Variants in RIMS1 observed in about 807,000 individuals in gnomAD.
RIMS1 encodes regulating synaptic membrane exocytosis protein 1.
A neutral mutation model predicts 214.1 loss-of-function variants in RIMS1; 83 were observed. The ratio of observed to expected loss-of-function variants is 0.39; its 90% confidence interval spans 0.32 to 0.47. The LOEUF is 0.47. Ranked by LOEUF, RIMS1 falls within the 20% of genes least tolerant of loss-of-function variation. The pLI, the probability that RIMS1 is intolerant of heterozygous loss-of-function variation, is 0.99. For synonymous variants in RIMS1, 793 were observed against 786.8 expected, an observed-to-expected ratio of 1.01 and a Z score of -0.13; for missense variants, 2,050 against 2,161.8, an observed-to-expected ratio of 0.95 and a Z score of 1.03.
chr6:72,320,818 C>T (rs2096111582), intron 28 of RIMS1, among the ~76,000 whole-genome samples: 1 of 151,936 alleles, frequency 6.6e-6, no homozygotes, highest in African/African-American at 2.4e-5. Flanking sequence ...TCAGCTTGTA[C>T]AGTTAATAGA....
intron 1 of RIMS1, among the ~76,000 whole-genome samples, chr6:71,937,800 G>A (rs879339523): frequency 6.1e-4 from 93 of 152,202 alleles, no homozygotes; most frequent in Non-Finnish European, 1.1e-3. Flanking sequence ...ATTATGAAGA[G>A]GACAGTTAAA....
At position 72,333,676 on chromosome 6, in the gene RIMS1, G is replaced by A; in HGVS notation, c.4207G>A (p.Gly1403Arg). 1 of 1,595,970 alleles carries A rather than the reference G, an allele frequency of 6.3e-7. No individual in the cohort carries two copies. The highest frequency in any genetic ancestry group is 8.5e-7 in the Non-Finnish European group (1 of 1,171,132). The change falls in exon 29 of 34, where the codon GGA becomes AGA. Residue 1403 changes from glycine to arginine, a missense_variant. Coordinates refer to ENST00000521978, the MANE Select transcript of RIMS1 (RefSeq NM_014989.7). ...CATCATGAAGAGCACCAGTGTCAGT[G>A]GAGAGATGTACACACTGGAGCATAA... ...RSIMKSTSVS[G>R]EMYTLEHNDG...
intron 2 of RIMS1, among the ~76,000 whole-genome samples, chr6:72,054,112 G>A (rs534516296): frequency 6.7e-6 from 1 of 150,276 alleles, no homozygotes; most frequent in Admixed American, 6.6e-5. Flanking sequence ...GGTATGTGTT[G>A]TTCCCCTCCC....
rs1027239432 is a variant in RIMS1 at position 72,282,900 on chromosome 6, AC to A, written c.3483-1144del. 4.2e-4 allele frequency among the ~76,000 whole-genome samples: 64 copies of A among 152,118 alleles called. 1 individual carries two copies. The highest frequency in any genetic ancestry group is 1.5e-3 in the African/African-American group (61 of 41,494). ...ATGAGTCTGAAAACACACAGCTGAA[AC>A]CCTGAATTGAAGGGGCAAGAGAGTG... On this transcript the variant is annotated intron_variant, in intron 23 of 33. Coordinates refer to ENST00000521978, the MANE Select transcript of RIMS1 (RefSeq NM_014989.7).
intron 26 of RIMS1, among the ~76,000 whole-genome samples, chr6:72,297,758 G>A (rs1434577325): frequency 6.6e-6 from 1 of 152,028 alleles, no homozygotes; most frequent in Non-Finnish European, 1.5e-5. Context: ...AGGGATTTAA[G>A]ATAACACAGT....
At chr6:72,147,253 A>G (rs114748138) in intron 4 of RIMS1, among the ~76,000 whole-genome samples, 249 of 152,340 alleles carry the variant, frequency 1.6e-3, no homozygotes, top group African/African-American at 5.2e-3. Flanking sequence ...AATTAATTAG[A>G]GCTCTTCTAA....
chr6:72,192,972 A>G (rs779049149), intron 6 of RIMS1, among the ~76,000 whole-genome samples: 8 of 152,196 alleles, frequency 5.3e-5, no homozygotes, highest in Admixed American at 1.3e-4. Context: ...GCATCCTTCA[A>G]TCCAATAAAG....
At chr6:72,004,499 G>A (rs1317342038) in intron 2 of RIMS1, among the ~76,000 whole-genome samples, 7 of 151,336 alleles carry the variant, frequency 4.6e-5, no homozygotes, top group African/African-American at 7.3e-5. Context: ...GTGTAAAAGT[G>A]TTCCTATTTC....
At position 72,340,855 on chromosome 6, in the gene RIMS1, T is replaced by G. The variant is rs546959233; in HGVS notation, c.4366+7020T>G. On this transcript the variant is annotated intron_variant, in intron 29 of 33. Coordinates refer to ENST00000521978, the MANE Select transcript of RIMS1 (RefSeq NM_014989.7). ...GTAGCTTGATGGGGATGGCATTGAA[T>G]GTATAAATTACCTTGGGCAGTATGG... is the stretch of plus-strand genomic sequence containing the variant. Among the ~76,000 whole-genome samples, 12 of 152,248 alleles carry G rather than the reference T, an allele frequency of 7.9e-5. No individual in the cohort carries two copies. The South Asian group carries it at 2.3e-3, about 29-fold the overall frequency.
chr6:72,354,433 TA>T (rs200309620), intron 29 of RIMS1, among the ~76,000 whole-genome samples: 3,528 of 152,300 alleles, frequency 0.023, 124 homozygotes, highest in African/African-American at 0.081. Flanking sequence ...TTATGGGATA[TA>T]TGAGATACCA....
At chr6:72,209,966 T>C (rs1383057480) in intron 6 of RIMS1, among the ~76,000 whole-genome samples, 2 of 151,074 alleles carry the variant, frequency 1.3e-5, no homozygotes, top group South Asian at 2.1e-4. Context: ...CTCCATATGA[T>C]TATGTAGAGT....
intron 1 of RIMS1, among the ~76,000 whole-genome samples, chr6:71,895,193 C>T (rs1753505): frequency 0.27 from 40,438 of 152,010 alleles, 5,712 homozygotes; most frequent in African/African-American, 0.37. Context: ...TTACATCGTC[C>T]ATTTGATTAG....
chr6:71,895,597 C>T (rs1405404120), intron 1 of RIMS1, among the ~76,000 whole-genome samples: 1 of 146,000 alleles, frequency 6.8e-6, no homozygotes, highest in Non-Finnish European at 1.5e-5. Context: ...TTTCTTGAAC[C>T]CGGGAGGCGG....
At chr6:71,954,180 AGATATAT>A (rs1285256790) in intron 1 of RIMS1, among the ~76,000 whole-genome samples, 3 of 152,338 alleles carry the variant, frequency 2.0e-5, no homozygotes, top group African/African-American at 7.2e-5. Flanking sequence ...CCTTATCGTA[AGATATAT>A]GATATAAGAC....
At chr6:72,374,493 C>T (rs1002731442) in intron 29 of RIMS1, among the ~76,000 whole-genome samples, 1 of 152,220 alleles carries the variant, frequency 6.6e-6, no homozygotes, top group Admixed American at 6.5e-5. Context: ...CAAATTACTA[C>T]CAAGGCCTGT....
chr6:72,118,230 A>G (rs1006252324), intron 4 of RIMS1, among the ~76,000 whole-genome samples: 2 of 151,550 alleles, frequency 1.3e-5, no homozygotes, highest in Non-Finnish European at 1.5e-5. Flanking sequence ...TCAGGAAGAT[A>G]TAGAAACCCA....
At chr6:72,171,728 A>G (rs2463735) in intron 4 of RIMS1, among the ~76,000 whole-genome samples, 149,321 of 152,242 alleles carry the variant, frequency 0.98, 73,277 homozygotes, top group East Asian at 1. Context: ...TAACTCTAGA[A>G]ATCACTCTTC....
intron 1 of RIMS1, among the ~76,000 whole-genome samples, chr6:71,932,601 C>G (rs1438529166): frequency 6.6e-6 from 1 of 151,994 alleles, no homozygotes; most frequent in Non-Finnish European, 1.5e-5. Context: ...TGTAACAAAC[C>G]TACACTTGTA....
Position 72,107,516 on chromosome 6 carries a change from G to A in RIMS1, c.471+7530G>A, listed in dbSNP as rs143316747. Among the ~76,000 whole-genome samples the A allele has an allele frequency of 3.3e-3, 508 of 152,198 alleles. 4 individuals carry two copies. Among genetic ancestry groups the A allele is most frequent in the African/African-American group, 0.011 (474 of 41,544 alleles). On this transcript the variant is annotated intron_variant, in intron 4 of 33. Transcript: ENST00000521978. ...GTGGAGGTTGCAGTGAGCCAAGATC[G>A]CATCACTGTACTCCAGCCTGGGCAA...
Sources: allele counts gnomAD v4.1 joint callset (sites outside exome capture counted in the v4.1 genomes callset), GRCh38; gene constraint gnomAD v4.1.1; transcripts MANE v1.5; gene names NCBI Gene and HGNC (gene_info 2026-07-23, HGNC 2026-07-21).